The following SOX6 variants were observed in gnomAD, a reference collection of about 807,000 sequenced individuals.
The protein encoded by SOX6 is SRY-box transcription factor 6, also known as transcription factor SOX-6.
In SOX6, 11 loss-of-function variants were observed where a neutral mutation model predicts 97.8. The observed-to-expected ratio is 0.11, with a 90% CI of 0.07 to 0.19. The LOEUF is 0.19. SOX6 is among the 10% of genes least tolerant of loss of function. SOX6 has a pLI of 1.00. For missense variants in SOX6, 810 were observed against 1,039.5 expected (o/e 0.78, Z 3.04); for synonymous variants, 360 against 371.4 (o/e 0.97, Z 0.35).
intron 13 of SOX6, among the ~76,000 whole-genome samples, chr11:15,993,994 T>C (rs1396184086): frequency 2.6e-5 from 4 of 152,332 alleles, no homozygotes; most frequent in African/African-American, 9.6e-5. Context: ...AATTCTATAA[T>C]GTGCCTAGTA....
At chr11:16,253,101 A>G (rs1853566333) in intron 3 of SOX6, among the ~76,000 whole-genome samples, 1 of 152,200 alleles carries the variant, frequency 6.6e-6, no homozygotes, top group South Asian at 2.1e-4. Flanking sequence ...TAATCCCAGC[A>G]CTTTGGGAGG....
intron 3 of SOX6, among the ~76,000 whole-genome samples, chr11:16,272,319 T>C (rs1854282690): frequency 6.6e-6 from 1 of 151,630 alleles, no homozygotes. Context: ...GGGAAGATGG[T>C]CATCTATCCA....
intron 9 of SOX6, among the ~76,000 whole-genome samples, chr11:16,095,192 T>C (rs935704990): frequency 6.6e-6 from 1 of 151,908 alleles, no homozygotes; most frequent in African/African-American, 2.4e-5. Context: ...TATCCACTTT[T>C]TAAAAAATTC....
At chr11:16,375,603 G>T (rs2134400592) in intron 1 of SOX6, among the ~76,000 whole-genome samples, 1 of 152,118 alleles carries the variant, frequency 6.6e-6, no homozygotes, top group East Asian at 1.9e-4. Context: ...GACAGTAATG[G>T]ATGCAATTGA....
intron 6 of SOX6, among the ~76,000 whole-genome samples, chr11:16,173,370 A>C (rs1564998102): frequency 6.6e-6 from 1 of 151,778 alleles, no homozygotes; most frequent in Non-Finnish European, 1.5e-5. Context: ...TGTTGATTCC[A>C]TAGAAGAAGT....
chr11:16,145,670 A>G (rs112845560), intron 6 of SOX6, among the ~76,000 whole-genome samples: 3 of 152,208 alleles, frequency 2.0e-5, no homozygotes, highest in Admixed American at 6.5e-5. Context: ...ATACAAAATC[A>G]ATGTACAAAA....
intron 3 of SOX6, among the ~76,000 whole-genome samples, chr11:16,625,571 C>G (rs1848612833): frequency 6.6e-6 from 1 of 152,162 alleles, no homozygotes; most frequent in Non-Finnish European, 1.5e-5. Flanking sequence ...CTGATGGGCT[C>G]CTGGATTGAG....
At chr11:16,590,629 A>G (rs1848139005) in intron 4 of SOX6, among the ~76,000 whole-genome samples, 1 of 152,144 alleles carries the variant, frequency 6.6e-6, no homozygotes, top group Admixed American at 6.5e-5. Context: ...AAAGAATGAG[A>G]TCCTGTCATT....
chr11:16,681,324 T>A (rs1249870368), intron 3 of SOX6, among the ~76,000 whole-genome samples: 1 of 152,120 alleles, frequency 6.6e-6, no homozygotes, highest in African/African-American at 2.4e-5. Flanking sequence ...ACTACACAAC[T>A]ACATGGAAAC....
At position 15,968,996 on chromosome 11, in the gene SOX6, AC is replaced by A. The variant is rs954888625; in HGVS notation, c.*3812del. On this transcript the variant is annotated 3_prime_UTR_variant, in exon 16 of 16. Transcript: ENST00000683767. ...CCTAGCGGCTCGTATCCGCAAAGCG[AC>A]CTTTTTTTTCTCTCTCCCTTCCTAC... 4.6e-5 allele frequency: 7 copies of A among 150,772 alleles called. No individual in the cohort carries two copies. The highest frequency in any genetic ancestry group is 4.0e-4 in the Admixed American group (6 of 15,134). 9.3% of individuals were successfully genotyped at this position (150,772 alleles called of 1,614,324 possible).
chr11:16,318,283 G>A (rs1019051766), intron 3 of SOX6, 163 bp downstream of exon 3: 6 of 704,248 alleles, frequency 8.5e-6, no homozygotes, highest in African/African-American at 3.6e-5. Flanking sequence ...ACTCCTAATG[G>A]ATCAAAATCT....
intron 1 of SOX6, among the ~76,000 whole-genome samples, chr11:16,446,944 T>G (rs1432035547): frequency 6.8e-6 from 1 of 147,430 alleles, no homozygotes; most frequent in Admixed American, 6.8e-5. Flanking sequence ...CTTTCTTTAC[T>G]TTCCTCCTTC....
At chr11:16,472,480 C>T (rs1426937706) in intron 1 of SOX6, among the ~76,000 whole-genome samples, 1 of 152,152 alleles carries the variant, frequency 6.6e-6, no homozygotes, top group Non-Finnish European at 1.5e-5. Flanking sequence ...ATCCTCACCA[C>T]AATACCTTGC....
intron 1 of SOX6, among the ~76,000 whole-genome samples, chr11:16,424,582 T>G (rs1181260148): frequency 6.6e-6 from 1 of 152,174 alleles, no homozygotes; most frequent in Non-Finnish European, 1.5e-5. Flanking sequence ...TGAACAGAGA[T>G]GGAACATTTC....
intron 6 of SOX6, among the ~76,000 whole-genome samples, chr11:16,167,791 TA>T (rs1850925657): frequency 6.6e-6 from 1 of 152,136 alleles, no homozygotes; most frequent in Non-Finnish European, 1.5e-5. Flanking sequence ...ACACCCTATT[TA>T]AAATTGCAGT....
chr11:16,235,448 C>A (rs187659391), intron 3 of SOX6, among the ~76,000 whole-genome samples: 1 of 152,074 alleles, frequency 6.6e-6, no homozygotes, highest in Non-Finnish European at 1.5e-5. Flanking sequence ...TATTTCTGCT[C>A]TCTATGCAAA....
intron 14 of SOX6, among the ~76,000 whole-genome samples, chr11:15,987,468 G>A (rs997840385): frequency 6.6e-6 from 1 of 152,060 alleles, no homozygotes; most frequent in African/African-American, 2.4e-5. Flanking sequence ...CTCTTGAAAC[G>A]CTTGCACTTA....
At chr11:16,211,002 G>A (rs1272425964) in intron 4 of SOX6, among the ~76,000 whole-genome samples, 3 of 152,136 alleles carry the variant, frequency 2.0e-5, no homozygotes, top group Non-Finnish European at 4.4e-5. Flanking sequence ...AACATGATCC[G>A]TGGGAATACT....
intron 6 of SOX6, among the ~76,000 whole-genome samples, chr11:16,179,611 G>C (rs959592129): frequency 6.6e-6 from 1 of 151,906 alleles, no homozygotes; most frequent in African/African-American, 2.4e-5. Flanking sequence ...TATGTTAAAT[G>C]ATGAGGGGAG....
Sources: gnomAD v4.1 joint callset for allele counts (sites outside exome capture counted in the v4.1 genomes callset) on GRCh38, gnomAD v4.1.1 for gene constraint, MANE v1.5 for transcripts, NCBI Gene and HGNC (gene_info 2026-07-23, HGNC 2026-07-21) for gene names.